Variants in MTOR observed in about 807,000 individuals in gnomAD.
MTOR encodes serine/threonine-protein kinase mTOR.
A neutral mutation model predicts 319.8 loss-of-function variants in MTOR; 70 were observed. The ratio of observed to expected loss-of-function variants is 0.22; its 90% CI spans 0.18 to 0.27. MTOR has a LOEUF of 0.27. Ranked by LOEUF, MTOR falls within the 10% of genes least tolerant of loss-of-function variation. The pLI, the probability that MTOR is intolerant of heterozygous loss-of-function variation, is 1.00. For missense variants in MTOR, 1,890 were observed against 3,274.4 expected (o/e 0.58, Z 10.32); for synonymous variants, 1,183 against 1,211.4 (o/e 0.98, Z 0.49).
Position 11,106,685 on chromosome 1 carries a change from C to T in MTOR, c.*800G>A. ...ATATGTACCAGACCTTCCCTGTGTT[C>T]AGCACCTCCATGACAGTATTTCTGT... On this transcript the variant is annotated 3_prime_UTR_variant, in exon 58 of 58. Transcript: ENST00000361445. The T allele has an allele frequency of 8.6e-7, 1 of 1,159,122 alleles. No homozygotes were observed. Among genetic ancestry groups the T allele is most frequent in the Non-Finnish European group, 1.1e-6 (1 of 932,084 alleles). 71.8% of individuals were successfully genotyped at this position (1,159,122 alleles called of 1,614,324 possible).
intron 16 of MTOR, 54 bp from the exon 17 acceptor site, chr1:11,231,488 A>G: frequency 6.3e-7 from 1 of 1,599,118 alleles, no homozygotes; most frequent in Non-Finnish European, 8.5e-7. Flanking sequence ...AAAAGAAAGC[A>G]TAGTTGAACT....
chr1:11,146,823 A>C (rs755110425), intron 31 of MTOR, 32 bp from the exon 32 acceptor site: 5 of 1,556,778 alleles, frequency 3.2e-6, no homozygotes, highest in Non-Finnish European at 4.4e-6. Flanking sequence ...GAAAGCATCA[A>C]GGGGGTTGGC....
chr1:11,154,513 A>ATC (rs200903697), intron 30 of MTOR, among the ~76,000 whole-genome samples: 8 of 147,664 alleles, frequency 5.4e-5, no homozygotes, highest in South Asian at 2.2e-4. Context: ...GTGGAATATT[A>ATC]TCTCTCTCTC....
At chr1:11,162,981 C>T (rs1330892976) in intron 29 of MTOR, among the ~76,000 whole-genome samples, 3 of 152,134 alleles carry the variant, frequency 2.0e-5, no homozygotes, top group Non-Finnish European at 2.9e-5. Flanking sequence ...TTAAAAGACA[C>T]AGACTGGCAA....
intron 26 of MTOR, among the ~76,000 whole-genome samples, chr1:11,201,058 A>G (rs944022246): frequency 2.5e-4 from 38 of 151,958 alleles, no homozygotes; most frequent in African/African-American, 8.4e-4. Flanking sequence ...GAGCCAGGTA[A>G]TTACAGTCGC....
chr1:11,221,928 G>A (rs1293049417), intron 19 of MTOR, among the ~76,000 whole-genome samples: 2 of 150,250 alleles, frequency 1.3e-5, no homozygotes, highest in Admixed American at 1.3e-4. Flanking sequence ...TTGGTTTACA[G>A]TATAAATAAA....
In MTOR at chr1:11,107,439, T is replaced by G. The variant is rs910223657; in HGVS notation, c.*46A>C. The G allele has an allele frequency of 6.3e-7, 1 of 1,598,998 alleles. No homozygotes were observed. The highest frequency in any genetic ancestry group is 8.5e-7 in the Non-Finnish European group (1 of 1,176,428). ...AGTTTAGTGGAAGCATTTACTAAAG[T>G]ACAAAAGCCTCAGAAAAAACGTGAT... On this transcript the variant is annotated 3_prime_UTR_variant, in exon 58 of 58. Transcript: ENST00000361445.
At position 11,228,529 on chromosome 1, in the gene MTOR, A is replaced by G. The variant is rs1037357807; in HGVS notation, c.3030+139T>C. 2.3e-5 allele frequency: 27 copies of G among 1,155,106 alleles called. No homozygotes were observed. The African/African-American group carries it at 3.5e-4, about 15-fold the overall frequency. The allele number at this position is 1,155,106 out of a possible 1,614,324, so 71.6% of individuals were successfully genotyped here. On this transcript the variant is annotated intron_variant, in intron 19 of 57. Coordinates refer to ENST00000361445, the MANE Select transcript of MTOR (RefSeq NM_004958.4). Reference sequence around the variant, plus strand: ...CTGGAGTGAGCTGATTGTACACTTTATATGTTGGGAGTTAAGGGGGAGGAA... The same window carrying G: ...CTGGAGTGAGCTGATTGTACACTTTGTATGTTGGGAGTTAAGGGGGAGGAA...
chr1:11,227,859 G>A (rs1420499614), intron 19 of MTOR, among the ~76,000 whole-genome samples: 2 of 152,112 alleles, frequency 1.3e-5, no homozygotes, highest in African/African-American at 4.8e-5. Context: ...TAGCCATGGA[G>A]TCTCAAAGTG....
chr1:11,214,848 CT>C (rs1165714958), intron 20 of MTOR, among the ~76,000 whole-genome samples: 1 of 152,200 alleles, frequency 6.6e-6, no homozygotes, highest in African/African-American at 2.4e-5. Context: ...ACTCTGCCTT[CT>C]TTAGAGAAGG....
In MTOR at chr1:11,213,475, T is replaced by G. The variant is rs1306339123; in HGVS notation, c.3209A>C (p.Tyr1070Ser). The change falls in exon 21 of 58, where the codon TAC becomes TCC. Residue 1070 changes from tyrosine (Y) to serine (S), a missense_variant. Tyr to Ser is a moderately radical substitution (Grantham distance 144). Transcript: ENST00000361445. The stretch of plus-strand genomic sequence containing the variant: ...CATGTGTGGGATCAGCTGGGGCAGG[T>G]AGAGCTTAAATTCACCCCCAAGAGC... Reference protein sequence around the residue: ...VVALGGEFKLYLPQLIPHMLR... With the variant: ...VVALGGEFKLSLPQLIPHMLR... 1 of 1,613,974 alleles carries G rather than the reference T, an allele frequency of 6.2e-7. No individual in the cohort carries two copies. Among genetic ancestry groups the G allele is most frequent in the Non-Finnish European group, 8.5e-7 (1 of 1,180,000 alleles).
chr1:11,249,832 A>C lies in MTOR; in HGVS notation c.841-1738T>G, dbSNP rs969587541. On this transcript the variant is annotated intron_variant, in intron 6 of 57. Transcript: ENST00000361445. ...CATGTCTACCTCTTTCTACACAGAC[A>C]CGGCAACCATCCGATTTCTCAATCT... Among the ~76,000 whole-genome samples, 479 of 150,658 alleles carry C rather than the reference A, an allele frequency of 3.2e-3. 9 individuals are homozygous for C. Among genetic ancestry groups the C allele is most frequent in the South Asian group, 0.015 (72 of 4,660 alleles).
chr1:11,247,332 A>T (rs1169780178), intron 8 of MTOR, among the ~76,000 whole-genome samples: 1 of 152,170 alleles, frequency 6.6e-6, no homozygotes, highest in Non-Finnish European at 1.5e-5. Flanking sequence ...CACAGTAGCT[A>T]CATCAAAACT....
intron 28 of MTOR, chr1:11,194,466 G>C (rs779395182): frequency 4.3e-6 from 7 of 1,613,794 alleles, no homozygotes; most frequent in African/African-American, 1.3e-5. Flanking sequence ...GACAGGACTG[G>C]GAGGGCAACC....
chr1:11,261,582 T>A (rs1651143072), intron 1 of MTOR, among the ~76,000 whole-genome samples: 1 of 152,170 alleles, frequency 6.6e-6, no homozygotes, highest in South Asian at 2.1e-4. Context: ...GTTCAGCTTA[T>A]GCTACAAAAC....
chr1:11,146,314 G>C (rs1435297124), intron 32 of MTOR, among the ~76,000 whole-genome samples: 1 of 152,206 alleles, frequency 6.6e-6, no homozygotes, highest in Non-Finnish European at 1.5e-5. Context: ...TGCATGGCCA[G>C]AAGACCCTTG....
chr1:11,146,724 A>G lies in MTOR; in HGVS notation c.4638T>C (p.Tyr1546=). ...IPRDTHDGAF[Y]RAVLALHQDL... ...CCTGATGCAGTGCCAGCACAGCTCT[A>G]TAAAATGCCCCATCATGGGTGTCCC... is the stretch of plus-strand genomic sequence containing the variant. The change falls in exon 32 of 58, where the codon TAT becomes TAC. Residue 1546 remains tyrosine (Y), a synonymous_variant. Coordinates refer to ENST00000361445, the MANE Select transcript of MTOR (RefSeq NM_004958.4). 1 of 1,614,134 alleles carries G rather than the reference A, an allele frequency of 6.2e-7. No homozygotes were observed. The highest frequency in any genetic ancestry group is 8.5e-7 in the Non-Finnish European group (1 of 1,180,012).
In MTOR at chr1:11,126,758, A is replaced by T. The variant is rs2100397595; in HGVS notation, c.6390T>A (p.Leu2130=). 8 of 1,614,158 alleles carry T rather than the reference A, an allele frequency of 5.0e-6. No homozygotes were observed. The highest frequency in any genetic ancestry group is 6.8e-6 in the Non-Finnish European group (8 of 1,180,012). ...CCAATTCAAGGTCCCGGCACATCAG[A>T]AGTTTTGGGGAAACATATTGCAGCT... ...SLELQYVSPK[L]LMCRDLELAV... The change falls in exon 46 of 58, where the codon CTT becomes CTA. Residue 2130 remains leucine, a synonymous_variant. Transcript: ENST00000361445.
At chr1:11,216,822 A>G (rs1301660719) in intron 19 of MTOR, among the ~76,000 whole-genome samples, 1 of 152,164 alleles carries the variant, frequency 6.6e-6, no homozygotes. Context: ...AAATGGAGAT[A>G]ATAATACTTA....
Sources: allele counts gnomAD v4.1 joint callset (sites outside exome capture counted in the v4.1 genomes callset), GRCh38; gene constraint gnomAD v4.1.1; transcripts MANE v1.5; gene names NCBI Gene and HGNC (gene_info 2026-07-23, HGNC 2026-07-21).